Variants in FHL2 observed in about 807,000 individuals in gnomAD.
The protein encoded by FHL2 is four and a half LIM domains 2, also known as four and a half LIM domains protein 2.
In FHL2, 20 loss-of-function variants were observed where a neutral mutation model predicts 32.7. The ratio of observed to expected loss-of-function variants is 0.61; its 90% CI spans 0.43 to 0.89. The LOEUF (loss-of-function observed/expected upper bound fraction) is 0.89. Ranked by LOEUF, FHL2 falls within the 40% of genes least tolerant of loss-of-function variation. The pLI, the probability that FHL2 is intolerant of heterozygous loss-of-function variation, is 0.00. For synonymous variants in FHL2, 123 were observed against 128.1 expected (o/e 0.96, Z 0.27); for missense variants, 311 against 358.6 (o/e 0.87, Z 1.07).
At chr2:105,426,095 G>A (rs900822493) in intron 1 of FHL2, among the ~76,000 whole-genome samples, 3 of 151,672 alleles carry the variant, frequency 2.0e-5, no homozygotes, top group East Asian at 3.9e-4. Flanking sequence ...CTTCCTCTTC[G>A]GCAATGTAAT....
At chr2:105,414,483 G>A (rs551848264) in intron 1 of FHL2, among the ~76,000 whole-genome samples, 15 of 151,458 alleles carry the variant, frequency 9.9e-5, no homozygotes, top group Admixed American at 3.9e-4. Context: ...CCCCCCCTCC[G>A]CCGCCATTAT....
chr2:105,385,584 C>T (rs888763720), intron 3 of FHL2, among the ~76,000 whole-genome samples: 1 of 152,208 alleles, frequency 6.6e-6, no homozygotes, highest in African/African-American at 2.4e-5. Flanking sequence ...TCACGGCACT[C>T]AGGATGACAG....
chr2:105,412,252 A>C (rs1376584109), intron 1 of FHL2, among the ~76,000 whole-genome samples: 2 of 152,248 alleles, frequency 1.3e-5, no homozygotes, highest in Non-Finnish European at 2.9e-5. Context: ...ATTCACACTT[A>C]AAAAGGAAGG....
intron 1 of FHL2, among the ~76,000 whole-genome samples, chr2:105,397,697 A>G (rs1055614209): frequency 6.6e-6 from 1 of 152,232 alleles, no homozygotes; most frequent in Non-Finnish European, 1.5e-5. Context: ...CCGTGGAAAC[A>G]CAATTCTGTG....
At chr2:105,425,392 G>A (rs1463631467) in intron 1 of FHL2, among the ~76,000 whole-genome samples, 1 of 152,192 alleles carries the variant, frequency 6.6e-6, no homozygotes, top group Admixed American at 6.5e-5. Context: ...GCAGGGTATT[G>A]TCCAAGGTTT....
At chr2:105,362,535 C>CTGAT (rs1680342599) in intron 6 of FHL2, among the ~76,000 whole-genome samples, 1 of 152,206 alleles carries the variant, frequency 6.6e-6, no homozygotes, top group African/African-American at 2.4e-5. Flanking sequence ...CCACCTTCCT[C>CTGAT]TGATAGGAAC....
At chr2:105,362,476 C>A (rs1324174597) in intron 6 of FHL2, among the ~76,000 whole-genome samples, 1 of 152,186 alleles carries the variant, frequency 6.6e-6, no homozygotes, top group African/African-American at 2.4e-5. Context: ...TGTAGTTACA[C>A]TGAAAAGCCA....
At chr2:105,401,558 G>C (rs1425035349), upstream of FHL2, among the ~76,000 whole-genome samples, 1 of 152,098 alleles carries the variant, frequency 6.6e-6, no homozygotes, top group African/African-American at 2.4e-5. Context: ...AGATATACTT[G>C]CTCCTGTGTA....
intron 1 of FHL2, among the ~76,000 whole-genome samples, chr2:105,424,840 G>A (rs928320507): frequency 7.2e-5 from 11 of 152,260 alleles, no homozygotes; most frequent in African/African-American, 2.6e-4. Context: ...ATGGACACAC[G>A]GAGGGGAACA....
At chr2:105,411,672 T>C (rs1683797612) in intron 1 of FHL2, among the ~76,000 whole-genome samples, 1 of 151,214 alleles carries the variant, frequency 6.6e-6, no homozygotes, top group African/African-American at 2.4e-5. Context: ...AAACCCTGTC[T>C]CTACTCAAAA....
intron 2 of FHL2, among the ~76,000 whole-genome samples, chr2:105,390,623 T>C (rs1682654732): frequency 6.6e-6 from 1 of 152,200 alleles, no homozygotes; most frequent in Admixed American, 6.5e-5. Context: ...CACAGCAGGA[T>C]GCACTGTGTG....
intron 4 of FHL2, among the ~76,000 whole-genome samples, chr2:105,369,540 C>T (rs540648703): frequency 3.7e-4 from 56 of 152,196 alleles, no homozygotes; most frequent in Middle Eastern, 3.4e-3. Flanking sequence ...GATGGTGACA[C>T]GCAGCGATCT....
intron 2 of FHL2, among the ~76,000 whole-genome samples, chr2:105,395,903 C>T (rs1214058377): frequency 2.0e-5 from 3 of 152,130 alleles, no homozygotes; most frequent in African/African-American, 7.2e-5. Flanking sequence ...AGTCTAAGTT[C>T]ACACCAGGCA....
At chr2:105,378,319 G>A (rs1461586707) in intron 3 of FHL2, 1 of 390,440 alleles carries the variant, frequency 2.6e-6, no homozygotes, top group African/African-American at 2.1e-5. Flanking sequence ...ATCCATGCAA[G>A]ACTTGGAGAC....
intron 2 of FHL2, 103 bp from the exon 3 acceptor site, chr2:105,386,643 G>A (rs1331626872): frequency 1.1e-5 from 10 of 942,168 alleles, no homozygotes; most frequent in Non-Finnish European, 1.6e-5. Flanking sequence ...TAGCCGAAAG[G>A]TGGCTAATTC....
At chr2:105,362,129 G>T (rs2104481051) in intron 6 of FHL2, among the ~76,000 whole-genome samples, 1 of 152,198 alleles carries the variant, frequency 6.6e-6, no homozygotes, top group East Asian at 1.9e-4. Context: ...AAAGCTTAAT[G>T]TTATAAACAT....
chr2:105,421,989 T>C (rs1384261717), intron 1 of FHL2, among the ~76,000 whole-genome samples: 1 of 152,210 alleles, frequency 6.6e-6, no homozygotes, highest in Non-Finnish European at 1.5e-5. Context: ...TTTTTGCCCC[T>C]CCTGGGGTCC....
upstream of FHL2, among the ~76,000 whole-genome samples, chr2:105,402,979 T>TAGAG (rs1345601628): frequency 6.6e-6 from 1 of 152,242 alleles, no homozygotes; most frequent in African/African-American, 2.4e-5. Context: ...TTTGAATCTC[T>TAGAG]GTTCTATCTA....
At chr2:105,379,075 C>G (rs1681693437) in intron 3 of FHL2, among the ~76,000 whole-genome samples, 1 of 152,144 alleles carries the variant, frequency 6.6e-6, no homozygotes, top group African/African-American at 2.4e-5. Flanking sequence ...TTATTTCACC[C>G]TAGGGGTTCA....
Sources: gnomAD v4.1 joint callset for allele counts (sites outside exome capture counted in the v4.1 genomes callset) on GRCh38, gnomAD v4.1.1 for gene constraint, MANE v1.5 for transcripts, NCBI Gene and HGNC (gene_info 2026-07-23, HGNC 2026-07-21) for gene names.